TDRD3: variants seen among roughly 807,000 people sequenced by gnomAD.
TDRD3 encodes tudor domain-containing protein 3.
TDRD3 carries 45 observed loss-of-function variants against 86.7 expected under a neutral mutation model. The ratio of observed to expected loss-of-function variants is 0.52; its 90% CI spans 0.41 to 0.67. The LOEUF (loss-of-function observed/expected upper bound fraction) is 0.67, where lower values mean the gene tolerates loss of function less well. Ranked by LOEUF, TDRD3 falls within the 30% of genes least tolerant of loss-of-function variation. The pLI is 0.00. For missense variants in TDRD3, 814 were observed against 889.0 expected (o/e 0.92, Z 1.07); for synonymous variants, 298 against 301.7 (o/e 0.99, Z 0.13).
chr13:60,486,627 C>T (rs1047391610), intron 7 of TDRD3, among the ~76,000 whole-genome samples: 3 of 151,960 alleles, frequency 2.0e-5, no homozygotes, highest in African/African-American at 7.3e-5. Context: ...ACATTCAAAA[C>T]TCTCATCTAG....
At chr13:60,434,241 G>A (rs921691275) in intron 1 of TDRD3, among the ~76,000 whole-genome samples, 2 of 152,060 alleles carry the variant, frequency 1.3e-5, no homozygotes, top group Admixed American at 6.6e-5. Flanking sequence ...AGGCCGAGGT[G>A]GGCGGATTGT....
intron 8 of TDRD3, among the ~76,000 whole-genome samples, chr13:60,508,097 C>T (rs1956977169): frequency 6.6e-6 from 1 of 152,090 alleles, no homozygotes; most frequent in Admixed American, 6.6e-5. Context: ...AACTAGAAAC[C>T]ATTGCTCAAG....
At position 60,510,699 on chromosome 13, in the gene TDRD3, C is replaced by T. The variant is rs763849776; in HGVS notation, c.1085C>T (p.Ala362Val). Residue 362 changes from alanine (A) to valine (V), a missense_variant, in exon 10 of 14, where the codon GCA (alanine) becomes GTA (valine). Ala to Val is a moderately conservative substitution (Grantham distance 64). Coordinates refer to ENST00000377881, the MANE Select transcript of TDRD3 (RefSeq NM_001146070.2). The part of the protein sequence containing the change: ...EEDLGNARPS[A>V]PSTLFDFLES... ...GACCTGGGAAATGCAAGGCCATCAG[C>T]ACCAAGCACATTATTTGATTTCTTG... 1.6e-5 allele frequency: 25 copies of T among 1,602,076 alleles called. No homozygotes were observed. In the South Asian group the frequency reaches 2.7e-4, roughly 17 times the overall value.
chr13:60,445,468 T>G (rs1214815519), intron 3 of TDRD3, among the ~76,000 whole-genome samples: 1 of 152,200 alleles, frequency 6.6e-6, no homozygotes, highest in Non-Finnish European at 1.5e-5. Context: ...TTCATCTCTA[T>G]TGTTCTTAGA....
At chr13:60,401,383 G>C (rs1265671906) in intron 1 of TDRD3, among the ~76,000 whole-genome samples, 1 of 152,128 alleles carries the variant, frequency 6.6e-6, no homozygotes, top group Admixed American at 6.5e-5. Context: ...ATGTGTGTAG[G>C]TTATATGCAA....
At chr13:60,535,290 T>C in intron 12 of TDRD3, 57 bp downstream of exon 12, 1 of 1,500,204 alleles carries the variant, frequency 6.7e-7, no homozygotes, top group Non-Finnish European at 8.9e-7. Context: ...AATATATAGC[T>C]CTAAAGAATT....
At chr13:60,511,708 G>C (rs1213493578) in intron 10 of TDRD3, among the ~76,000 whole-genome samples, 1 of 152,102 alleles carries the variant, frequency 6.6e-6, no homozygotes, top group African/African-American at 2.4e-5. Flanking sequence ...CCTCTTACAG[G>C]CTCACCCATT....
chr13:60,530,033 C>T (rs1199679144), intron 11 of TDRD3, among the ~76,000 whole-genome samples: 1 of 152,172 alleles, frequency 6.6e-6, no homozygotes, highest in Non-Finnish European at 1.5e-5. Context: ...GCTCAAACAT[C>T]ACCTCCTAGA....
At chr13:60,530,456 T>C (rs906408781) in intron 11 of TDRD3, among the ~76,000 whole-genome samples, 3 of 152,048 alleles carry the variant, frequency 2.0e-5, no homozygotes, top group South Asian at 2.1e-4. Flanking sequence ...AATTTTTTTT[T>C]TGAGACGGAG....
chr13:60,539,846 A>G (rs1032631719), intron 12 of TDRD3, among the ~76,000 whole-genome samples: 1 of 152,152 alleles, frequency 6.6e-6, no homozygotes, highest in Non-Finnish European at 1.5e-5. Flanking sequence ...ATGAGTTTAA[A>G]ATGAGTCCTA....
intron 12 of TDRD3, chr13:60,536,804 C>T (rs1312435856): frequency 6.6e-6 from 1 of 152,030 alleles, no homozygotes; most frequent in Admixed American, 6.6e-5. Context: ...CTGATGAGCA[C>T]ATTTCTTATT....
chr13:60,492,873 AC>A (rs1956618040), intron 7 of TDRD3, among the ~76,000 whole-genome samples: 1 of 145,954 alleles, frequency 6.9e-6, no homozygotes, highest in African/African-American at 2.5e-5. Flanking sequence ...TTTCATGTAT[AC>A]TTCTTTGTAT....
At chr13:60,462,581 C>T (rs144139208) in intron 4 of TDRD3, among the ~76,000 whole-genome samples, 31 of 152,198 alleles carry the variant, frequency 2.0e-4, no homozygotes, top group African/African-American at 4.8e-4. Flanking sequence ...GGTGCTAATA[C>T]GGATGTGTTA....
At chr13:60,494,692 C>A in intron 8 of TDRD3, 117 bp downstream of exon 8, 2 of 834,308 alleles carry the variant, frequency 2.4e-6, no homozygotes, top group Non-Finnish European at 3.4e-6. Context: ...TGTTATAACT[C>A]TTGAAGGCTT....
intron 1 of TDRD3, among the ~76,000 whole-genome samples, chr13:60,417,286 G>T (rs1384850724): frequency 6.6e-6 from 1 of 151,798 alleles, no homozygotes. Flanking sequence ...AAAGTGCTCG[G>T]ATTACAGGTG....
upstream of TDRD3, chr13:60,397,031 C>T: frequency 4.5e-6 from 1 of 221,554 alleles, no homozygotes; most frequent in East Asian, 8.5e-5. Context: ...CAGAAAAGCG[C>T]CCCCCAAAAC....
chr13:60,407,897 C>T (rs991772783), intron 1 of TDRD3, among the ~76,000 whole-genome samples: 8 of 152,302 alleles, frequency 5.3e-5, no homozygotes, highest in African/African-American at 1.7e-4. Flanking sequence ...AGGGACCCAG[C>T]GGGAGGTAAT....
At position 60,573,763 on chromosome 13, in the gene TDRD3, C is replaced by G; in HGVS notation, c.*157C>G. 4 of 576,494 alleles carry G rather than the reference C, an allele frequency of 6.9e-6. No individual in the cohort carries two copies. The South Asian group carries it at 3.1e-4, about 44-fold the overall frequency. The allele number at this position is 576,494 out of a possible 1,614,324, so 35.7% of individuals were successfully genotyped here. The stretch of plus-strand genomic sequence containing the variant: ...CAGATTTTAGGGTGGAAAAAACAGT[C>G]AACTCACACAAAGAATGGAAAAAAA... On this transcript the variant is annotated 3_prime_UTR_variant, in exon 14 of 14. Coordinates refer to ENST00000377881, the MANE Select transcript of TDRD3 (RefSeq NM_001146070.2).
At chr13:60,556,888 A>G (rs1197751010) in intron 12 of TDRD3, among the ~76,000 whole-genome samples, 1 of 152,132 alleles carries the variant, frequency 6.6e-6, no homozygotes, top group Non-Finnish European at 1.5e-5. Context: ...TAGCAAAGGA[A>G]ACAGACTTAA....
Sources: allele counts gnomAD v4.1 joint callset (sites outside exome capture counted in the v4.1 genomes callset), GRCh38; gene constraint gnomAD v4.1.1; transcripts MANE v1.5; gene names NCBI Gene and HGNC (gene_info 2026-07-23, HGNC 2026-07-21).